The following SCAI variants were observed in gnomAD, a reference collection of about 807,000 sequenced individuals.
SCAI encodes the protein protein SCAI.
In SCAI, 24 loss-of-function variants were observed where a neutral mutation model predicts 92.2. The observed-to-expected ratio is 0.26, with a 90% CI of 0.19 to 0.37. The LOEUF (loss-of-function observed/expected upper bound fraction) is 0.37, where lower values mean the gene tolerates loss of function less well. Ranked by LOEUF, SCAI falls within the 10% of genes least tolerant of loss-of-function variation. The pLI is 1.00. For missense variants in SCAI, 450 were observed against 736.2 expected (o/e 0.61, Z 4.50); for synonymous variants, 261 against 258.6 (o/e 1.01, Z -0.09).
At chr9:124,973,617 G>A (rs971371647) in intron 15 of SCAI, among the ~76,000 whole-genome samples, 2 of 152,158 alleles carry the variant, frequency 1.3e-5, no homozygotes, top group African/African-American at 4.8e-5. Context: ...CAGATCACGA[G>A]GTCAGGAGTT....
chr9:125,142,784 A>G (rs1248304275), intron 1 of SCAI, 107 bp from the exon 2 acceptor site: 1 of 905,800 alleles, frequency 1.1e-6, no homozygotes, highest in East Asian at 2.5e-5. Context: ...CTGGGACCAC[A>G]GGCTCGCCAA....
intron 13 of SCAI, among the ~76,000 whole-genome samples, chr9:124,995,831 G>A (rs1164794585): frequency 1.3e-5 from 2 of 151,980 alleles, no homozygotes; most frequent in African/African-American, 2.4e-5. Flanking sequence ...TGCATCAAGG[G>A]CTTGTTAAAC....
intron 4 of SCAI, among the ~76,000 whole-genome samples, 155 bp downstream of exon 4, chr9:125,029,480 TAAAGATGAA>T (rs1833028559): frequency 6.6e-6 from 1 of 152,186 alleles, no homozygotes; most frequent in African/African-American, 2.4e-5. Flanking sequence ...ATTTGGGTTA[TAAAGATGAA>T]ATATGTTATT....
intron 3 of SCAI, among the ~76,000 whole-genome samples, chr9:125,050,159 C>A (rs1355858169): frequency 1.3e-5 from 2 of 152,078 alleles, no homozygotes; most frequent in African/African-American, 4.8e-5. Flanking sequence ...ACTATTCCAG[C>A]TGGATCCCAC....
At chr9:124,963,069 G>T (rs1831472982) in intron 17 of SCAI, among the ~76,000 whole-genome samples, 1 of 150,996 alleles carries the variant, frequency 6.6e-6, no homozygotes, top group African/African-American at 2.4e-5. Flanking sequence ...ATAGTGCTGG[G>T]ATTACAGGCG....
At position 125,143,434 on chromosome 9, in the gene SCAI, C is replaced by T. The variant is rs1308847223; in HGVS notation, c.4G>A (p.Val2Ile). 7.2e-7 allele frequency: 1 copy of T among 1,388,938 alleles called. No homozygotes were observed. Among genetic ancestry groups the T allele is most frequent in the Non-Finnish European group, 9.4e-7 (1 of 1,069,374 alleles). The allele number at this position is 1,388,938 out of a possible 1,614,324, so 86.0% of individuals were successfully genotyped here. A position where few individuals can be genotyped will look rare whatever the true frequency, so the allele number is the denominator to read the frequency against. Residue 2 changes from valine to isoleucine, a missense_variant, in exon 1 of 18, where the codon GTC (valine) becomes ATC (isoleucine). Val to Ile is a conservative substitution (Grantham distance 29). This residue lies in a region of SCAI where 70 missense variants were observed against 66.3 expected (regional missense o/e 1.06). Transcript: ENST00000336505. M[V>I]RGARQPQQPR... ...TGCTGGGGCTGCCGGGCTCCTCTGA[C>T]CATCCGGCTCCTGCTCCGCCGCGGG...
intron 6 of SCAI, among the ~76,000 whole-genome samples, chr9:125,021,174 A>C (rs145589844): frequency 2.0e-4 from 31 of 152,356 alleles, no homozygotes; most frequent in African/African-American, 6.5e-4. Context: ...ACAGGACTAG[A>C]TCTTGGGTGA....
At chr9:125,093,384 C>G (rs550230766) in intron 2 of SCAI, among the ~76,000 whole-genome samples, 1 of 152,064 alleles carries the variant, frequency 6.6e-6, no homozygotes, top group African/African-American at 2.4e-5. Flanking sequence ...TCATTTCCTC[C>G]TCTTACTTCA....
At chr9:125,096,938 G>T (rs1834569538) in intron 2 of SCAI, among the ~76,000 whole-genome samples, 1 of 152,088 alleles carries the variant, frequency 6.6e-6, no homozygotes, top group Admixed American at 6.6e-5. Flanking sequence ...TATTTTCCAG[G>T]ATACATGGTT....
chr9:124,966,593 T>C (rs1045760771), intron 17 of SCAI, among the ~76,000 whole-genome samples: 2 of 152,170 alleles, frequency 1.3e-5, no homozygotes, highest in African/African-American at 4.8e-5. Flanking sequence ...CTACATATAT[T>C]TTATGTATTC....
In SCAI at chr9:125,091,937, C is replaced by G. The variant is rs567916642; in HGVS notation, c.99-35930G>C. Among the ~76,000 whole-genome samples, 1 of 151,754 alleles carries G rather than the reference C, an allele frequency of 6.6e-6. No individual in the cohort carries two copies. The highest frequency in any genetic ancestry group is 1.5e-5 in the Non-Finnish European group (1 of 67,960). On this transcript the variant is annotated intron_variant, in intron 2 of 17. Transcript: ENST00000336505. The surrounding 1 kb of genome is among the most constrained non-coding windows in gnomAD (Gnocchi z 4.3). Reference sequence around the variant, plus strand: ...CCATCCTGGCTAACACGATGAAACCCCGTCTCTACCAAAAATAAAAAAATA... The same window carrying G: ...CCATCCTGGCTAACACGATGAAACCGCGTCTCTACCAAAAATAAAAAAATA...
chr9:124,997,958 A>G (rs1832276486), intron 13 of SCAI, among the ~76,000 whole-genome samples: 1 of 151,696 alleles, frequency 6.6e-6, no homozygotes, highest in African/African-American at 2.4e-5. Context: ...TATTTTTTGC[A>G]TTTAAAAAAA....
chr9:125,093,565 TC>T (rs1425713454), intron 2 of SCAI, among the ~76,000 whole-genome samples: 1 of 145,200 alleles, frequency 6.9e-6, no homozygotes, highest in East Asian at 2.0e-4. Flanking sequence ...TGATGACACC[TC>T]CTTTTTTTTT....
chr9:124,956,870 C>A (rs1367169015), intron 17 of SCAI, among the ~76,000 whole-genome samples: 2 of 151,996 alleles, frequency 1.3e-5, no homozygotes, highest in East Asian at 3.9e-4. Context: ...AGAAGTAAAG[C>A]TGTTTTTTGT....
intron 2 of SCAI, among the ~76,000 whole-genome samples, chr9:125,108,638 G>C (rs1834865185): frequency 6.7e-6 from 1 of 150,250 alleles, no homozygotes; most frequent in Non-Finnish European, 1.5e-5. Context: ...CCGCCCGGCA[G>C]CCGCCCCGTC....
intron 9 of SCAI, among the ~76,000 whole-genome samples, chr9:125,011,165 G>A (rs1195458567): frequency 5.9e-5 from 9 of 152,160 alleles, no homozygotes; most frequent in East Asian, 3.8e-4. Context: ...CACCAGCAAC[G>A]GAACAAAGCT....
chr9:125,074,240 C>A lies in SCAI; in HGVS notation c.99-18233G>T, dbSNP rs529694208. ...CACCACTGCACTCCAGCCTGGGTGA[C>A]AGAGCGAGACTCCATATCAAAAAAA... is the stretch of plus-strand genomic sequence containing the variant. On this transcript the variant is annotated intron_variant, in intron 2 of 17. Transcript: ENST00000336505. 1.5e-3 allele frequency among the ~76,000 whole-genome samples: 200 copies of A among 134,130 alleles called. No homozygotes were observed. In the Middle Eastern group the frequency reaches 0.022, roughly 15 times the overall value. The allele number at this position is 134,130 out of a possible 152,430, so 88.0% of individuals were successfully genotyped here.
chr9:125,080,998 C>G (rs537332309), intron 2 of SCAI, among the ~76,000 whole-genome samples: 1 of 152,224 alleles, frequency 6.6e-6, no homozygotes, highest in African/African-American at 2.4e-5. Context: ...ATCTCTTTGC[C>G]TGCTGCCATC....
chr9:125,105,158 C>T (rs1176023752), intron 2 of SCAI, among the ~76,000 whole-genome samples: 1 of 151,704 alleles, frequency 6.6e-6, no homozygotes, highest in African/African-American at 2.4e-5. Flanking sequence ...ATAGTGAAAC[C>T]CCATCTCTAC....
Sources: gnomAD v4.1 joint callset for allele counts (sites outside exome capture counted in the v4.1 genomes callset) on GRCh38, gnomAD v4.1.1 for gene constraint, gnomAD v4.1.1 regional missense constraint, Gnocchi (gnomAD v3.1) non-coding constraint, MANE v1.5 for transcripts, NCBI Gene and HGNC (gene_info 2026-07-23, HGNC 2026-07-21) for gene names.